The following CDAN1 variants were observed in gnomAD, a reference collection of about 807,000 sequenced individuals.
CDAN1 encodes the protein codanin 1.
In CDAN1, 107 loss-of-function variants were observed where a neutral mutation model predicts 139.8. That is an observed-to-expected ratio of 0.77 (90% CI 0.65 to 0.90). CDAN1 has a LOEUF of 0.90. Among genes scored for constraint, CDAN1 ranks in the 40% least tolerant of loss-of-function variants. CDAN1 has a pLI of 0.00. For missense variants in CDAN1, 1,667 were observed against 1,575.7 expected, an observed-to-expected ratio of 1.06 and a Z score of -0.98; for synonymous variants, 776 against 660.6, an observed-to-expected ratio of 1.17 and a Z score of -2.68.
Position 42,723,633 on chromosome 15 carries a change from A to G in CDAN1, c.*858T>C, listed in dbSNP as rs2061487319. On this transcript the variant is annotated 3_prime_UTR_variant, in exon 28 of 28. Coordinates refer to ENST00000356231, the MANE Select transcript of CDAN1 (RefSeq NM_138477.4). ...TGGTCCCTGGTCAGGGAGAGGTCTC[A>G]AGAGGTTACTACCTGCACAGGGGCT... is the stretch of plus-strand genomic sequence containing the variant. 6.6e-6 allele frequency: 1 copy of G among 152,258 alleles called. No individual in the cohort carries two copies. Among genetic ancestry groups the G allele is most frequent in the Non-Finnish European group, 1.5e-5 (1 of 68,054 alleles). The allele number at this position is 152,258 out of a possible 1,614,324, so 9.4% of individuals were successfully genotyped here.
chr15:42,730,620 T>A lies in CDAN1; in HGVS notation c.2152A>T (p.Thr718Ser). 1 of 1,613,818 alleles carries A rather than the reference T, an allele frequency of 6.2e-7. No homozygotes were observed. Among genetic ancestry groups the A allele is most frequent in the African/African-American group, 1.3e-5 (1 of 74,920 alleles). Reference protein sequence around the residue: ...PLLEYYRDIFTLLLRLHRSLV... With the variant: ...PLLEYYRDIFSLLLRLHRSLV... Reference sequence around the variant, plus strand: ...CACCGGTGCAGGCGCAGCAGGAGAGTGAAGATGTCCCGGTAATATTCCAGC... The same window carrying A: ...CACCGGTGCAGGCGCAGCAGGAGAGAGAAGATGTCCCGGTAATATTCCAGC... The change falls in exon 14 of 28, where the codon ACT becomes TCT. Residue 718 changes from threonine (T) to serine (S), a missense_variant. Around this residue, in one of 3 missense-constraint regions of CDAN1, gnomAD observed 936 missense variants for 844.1 expected, o/e 1.11. Coordinates refer to ENST00000356231, the MANE Select transcript of CDAN1 (RefSeq NM_138477.4).
In CDAN1 at chr15:42,736,296, T is replaced by C. The variant is rs1195886233; in HGVS notation, c.569+6A>G. On this transcript the variant is annotated splice_donor_region_variant and intron_variant, in intron 2 of 27. Coordinates refer to ENST00000356231, the MANE Select transcript of CDAN1 (RefSeq NM_138477.4). ...ACCCATCTCCTGCATGAGAGCTGAG[T>C]CTCACCCTGTAGGGCCGGGGGGAAC... The C allele has an allele frequency of 6.2e-7, 1 of 1,613,458 alleles. No homozygotes were observed. Among genetic ancestry groups the C allele is most frequent in the Non-Finnish European group, 8.5e-7 (1 of 1,179,936 alleles).
intron 1 of CDAN1, 112 bp downstream of exon 1, chr15:42,736,901 T>G: frequency 3.4e-6 from 5 of 1,461,876 alleles, no homozygotes; most frequent in Non-Finnish European, 4.5e-6. Flanking sequence ...CCAGTTGGAG[T>G]GCACTCGGCC....
At chr15:42,726,458 C>T (rs1339717792) in intron 23 of CDAN1, 41 bp from the exon 24 acceptor site, 3 of 1,459,494 alleles carry the variant, frequency 2.1e-6, no homozygotes, top group South Asian at 2.4e-5. Context: ...CGCTGGGGGC[C>T]AGGATGCCAC....
rs781738220 is a variant in CDAN1 at position 42,735,950 on chromosome 15, G to A, written c.698C>T (p.Thr233Ile). 3.7e-6 allele frequency: 6 copies of A among 1,614,208 alleles called. No homozygotes were observed. Among genetic ancestry groups the A allele is most frequent in the Non-Finnish European group, 5.1e-6 (6 of 1,180,028 alleles). The change falls in exon 3 of 28, where the codon ACT becomes ATT. Residue 233 changes from threonine (T) to isoleucine (I), a missense_variant. Thr to Ile is a moderately conservative substitution (Grantham distance 89). Around this residue, in one of 3 missense-constraint regions of CDAN1, gnomAD observed 487 missense variants for 422.2 expected, o/e 1.15. Coordinates refer to ENST00000356231, the MANE Select transcript of CDAN1 (RefSeq NM_138477.4). ...GGGAAGGCCAAGGCCCCAAGGGCTA[G>A]TGTCCAGGGCTGAGGGTTGGGAACT... Reference protein sequence around the residue: ...VPSSQPSALDTSPWGLGLPPG... With the variant: ...VPSSQPSALDISPWGLGLPPG...
At chr15:42,732,192 C>G in intron 10 of CDAN1, 141 bp downstream of exon 10, 1 of 838,524 alleles carries the variant, frequency 1.2e-6, no homozygotes, top group Non-Finnish European at 2.0e-6. Flanking sequence ...GTTTCAGCCA[C>G]TCCGCGAGGA....
At chr15:42,725,390 A>T in intron 26 of CDAN1, 99 bp downstream of exon 26, 1 of 1,523,128 alleles carries the variant, frequency 6.6e-7, no homozygotes, top group Non-Finnish European at 9.1e-7. Context: ...GTGGAACAGG[A>T]AGGGGAAATA....
chr15:42,734,966 TAAAG>T (rs1437859367), intron 6 of CDAN1, 130 bp downstream of exon 6: 1 of 727,846 alleles, frequency 1.4e-6, no homozygotes, highest in South Asian at 1.5e-5. Context: ...AACACAAAAT[TAAAG>T]AAAGATTATA....
In CDAN1 at chr15:42,728,677, C is replaced by A. The variant is rs770830490; in HGVS notation, c.2779G>T (p.Ala927Ser). 13 of 1,614,134 alleles carry A rather than the reference C, an allele frequency of 8.1e-6. No homozygotes were observed. The South Asian group carries it at 1.1e-4, about 14-fold the overall frequency. Residue 927 changes from alanine to serine, a missense_variant, in exon 20 of 28, where the codon GCC becomes TCC. This residue lies in a region of CDAN1 where 936 missense variants were observed against 844.1 expected (regional missense o/e 1.11). Transcript: ENST00000356231. ...TCCCGCCCCAGGGCCAATGCCTGGG[C>A]CCCGTGAGGGCACAGCTGGGAACAC... The part of the protein sequence containing the change: ...ILCSQLCPHG[A>S]QALALGREFC...
At chr15:42,733,278 CTTTT>C in intron 8 of CDAN1, 92 bp from the exon 9 acceptor site, 3 of 838,296 alleles carry the variant, frequency 3.6e-6, no homozygotes, top group Non-Finnish European at 3.8e-6. Flanking sequence ...CACCCACCAC[CTTTT>C]TTTTTTTTGG....
At chr15:42,727,381 G>A (rs2061542599) in intron 23 of CDAN1, among the ~76,000 whole-genome samples, 1 of 152,214 alleles carries the variant, frequency 6.6e-6, no homozygotes, top group Admixed American at 6.5e-5. Context: ...AGTCAAAAAT[G>A]TCCTAGCTGC....
intron 2 of CDAN1, 39 bp from the exon 3 acceptor site, chr15:42,736,117 C>T (rs2061683708): frequency 1.2e-6 from 2 of 1,605,436 alleles, no homozygotes; most frequent in African/African-American, 1.3e-5. Context: ...AAATTCCTAT[C>T]TTCAAACATC....
At position 42,728,210 on chromosome 15, in the gene CDAN1, C is replaced by G. The variant is rs747935657; in HGVS notation, c.2862G>C (p.Pro954=). 10 of 1,613,586 alleles carry G rather than the reference C, an allele frequency of 6.2e-6. No individual in the cohort carries two copies. The East Asian group carries it at 2.2e-4, about 36-fold the overall frequency. The stretch of plus-strand genomic sequence containing the variant: ...AGGCCTCCCTCACACGTACGGCTGC[C>G]GGGGTCTCCTCTGGAAGCAGCGCCC... ...AVRALLPEET[P]AAVLSSAENI... is the part of the protein sequence containing the mutation. The change falls in exon 21 of 28, where the codon CCG becomes CCC. Residue 954 remains proline, a synonymous_variant. Coordinates refer to ENST00000356231, the MANE Select transcript of CDAN1 (RefSeq NM_138477.4).
intron 14 of CDAN1, 99 bp downstream of exon 14, chr15:42,730,499 G>T: frequency 7.2e-7 from 1 of 1,385,242 alleles, no homozygotes; most frequent in Non-Finnish European, 1.0e-6. Context: ...GGCCCCACAC[G>T]CACAGTGCAG....
chr15:42,726,390 G>T lies in CDAN1; in HGVS notation c.3124C>A (p.Arg1042=), dbSNP rs80338697. The T allele has an allele frequency of 2.5e-6, 4 of 1,597,854 alleles. No homozygotes were observed. The Admixed American group carries it at 5.2e-5, about 21-fold the overall frequency. The change falls in exon 24 of 28, where the codon CGG becomes AGG. Residue 1042 remains arginine, a synonymous_variant. Transcript: ENST00000356231. The part of the protein sequence containing the change: ...KDVLSLAVGP[R]DPDEGVSPEH... ...GGGGAGACTCCCTCGTCAGGGTCCC[G>T]TGGCCCCACGGCCAAGGAGAGCACG...
Position 42,733,170 on chromosome 15 carries a change from C to T in CDAN1, c.1384G>A (p.Val462Met). 6.2e-7 allele frequency: 1 copy of T among 1,614,140 alleles called. No individual in the cohort carries two copies. Among genetic ancestry groups the T allele is most frequent in the Non-Finnish European group, 8.5e-7 (1 of 1,179,996 alleles). The change falls in exon 9 of 28, where the codon GTG (valine) becomes ATG (methionine). Residue 462 changes from valine (V) to methionine (M), a missense_variant. Around this residue, in one of 3 missense-constraint regions of CDAN1, gnomAD observed 244 missense variants for 309.4 expected, o/e 0.79. Coordinates refer to ENST00000356231, the MANE Select transcript of CDAN1 (RefSeq NM_138477.4). ...TGGTGATCTTCCCACTCTCGCAGCA[C>T]CTCATAAAACACATCCCTGACGCAT... ...FKKQRDVFYEVLREWEDHHEE... is the reference protein window; with the variant it reads ...FKKQRDVFYEMLREWEDHHEE...
chr15:42,732,231 G>C, intron 10 of CDAN1, 102 bp downstream of exon 10: 1 of 1,116,270 alleles, frequency 9.0e-7, no homozygotes, highest in Non-Finnish European at 1.4e-6. Context: ...TTCCAGCCCA[G>C]GACCTGCCAG....
In CDAN1 at chr15:42,731,781, C is replaced by A; in HGVS notation, c.1578G>T (p.Glu526Asp). 1 of 1,614,144 alleles carries A rather than the reference C, an allele frequency of 6.2e-7. No individual in the cohort carries two copies. The highest frequency in any genetic ancestry group is 1.1e-5 in the South Asian group (1 of 91,078). The change falls in exon 11 of 28, where the codon GAG (glutamate) becomes GAT (aspartate). Residue 526 changes from glutamate to aspartate, a missense_variant. This residue lies in a region of CDAN1 where 244 missense variants were observed against 309.4 expected (regional missense o/e 0.79). Coordinates refer to ENST00000356231, the MANE Select transcript of CDAN1 (RefSeq NM_138477.4). ...PGGAGGTVLG[E>D]APDVLSMLGA... ...CCAGCATACTCAACACATCTGGGGC[C>A]TCGCCCAAGACGGTGCCCCCAGCAC...
intron 8 of CDAN1, 75 bp downstream of exon 8, chr15:42,733,863 T>A (rs2061649238): frequency 8.6e-7 from 1 of 1,156,214 alleles, no homozygotes; most frequent in East Asian, 2.4e-5. Context: ...TCCTAATTTC[T>A]ATGAAACCAA....
Sources: gnomAD v4.1 joint callset for allele counts (sites outside exome capture counted in the v4.1 genomes callset) on GRCh38, gnomAD v4.1.1 for gene constraint, gnomAD v4.1.1 regional missense constraint, MANE v1.5 for transcripts, NCBI Gene and HGNC (gene_info 2026-07-23, HGNC 2026-07-21) for gene names.